Variants in DST observed in about 807,000 individuals in gnomAD.
DST encodes bullous pemphigoid antigen.
DST carries 253 observed loss-of-function variants against 875.2 expected under a neutral mutation model. The ratio of observed to expected loss-of-function variants is 0.29; its 90% CI spans 0.26 to 0.32. The LOEUF (loss-of-function observed/expected upper bound fraction) is 0.32. DST is among the 10% of genes least tolerant of loss of function. The probability of loss-of-function intolerance (pLI) is 1.00; values close to 1 mark genes in which losing one functional copy is unlikely to be tolerated. For synonymous variants in DST, 3,124 were observed against 3,197.1 expected (o/e 0.98, Z 0.77); for missense variants, 8,287 against 9,111.6 (o/e 0.91, Z 3.68).
At position 56,703,665 on chromosome 6, in the gene DST, C is replaced by T. The variant is rs1356808283; in HGVS notation, c.859G>A (p.Glu287Lys). The T allele has an allele frequency of 1.1e-5, 11 of 984,932 alleles. No homozygotes were observed. The Admixed American group carries it at 6.8e-4, about 61-fold the overall frequency. The allele number at this position is 984,932 out of a possible 1,614,324, so 61.0% of individuals were successfully genotyped here. The part of the protein sequence containing the change: ...ACEYEQHEDV[E>K]DEDKGPREKG... ...ACACCTACCCCCTTATCCTCATCCT[C>T]CACATCCTCATGCTGTTCATATTCG... Residue 287 changes from glutamate (E) to lysine (K), a missense_variant, in exon 7 of 104, where the codon GAG (glutamate) becomes AAG (lysine). By Grantham distance (56) the Glu-to-Lys change is moderately conservative. Around this residue, in one of 10 missense-constraint regions of DST, gnomAD observed 1,160 missense variants for 1,424.3 expected, o/e 0.81. Transcript: ENST00000680361.
At chr6:56,629,955 C>T (rs1248734353) in intron 31 of DST, among the ~76,000 whole-genome samples, 1 of 152,170 alleles carries the variant, frequency 6.6e-6, no homozygotes, top group Non-Finnish European at 1.5e-5. Context: ...TCTTTTTCAG[C>T]AAGTTAATCT....
intron 102 of DST, chr6:56,460,777 C>T (rs1200671407): frequency 1.3e-5 from 2 of 151,726 alleles, no homozygotes; most frequent in Non-Finnish European, 2.9e-5. Flanking sequence ...AACTTAACTG[C>T]AAAAAGAAAA....
chr6:56,533,360 CTA>C (rs960987048), intron 63 of DST, among the ~76,000 whole-genome samples: 115 of 152,336 alleles, frequency 7.5e-4, no homozygotes, highest in African/African-American at 2.7e-3. Flanking sequence ...GTATGAAACA[CTA>C]TGCTTCACTG....
intron 99 of DST, among the ~76,000 whole-genome samples, chr6:56,465,362 G>C (rs1031020672): frequency 2.0e-5 from 3 of 152,064 alleles, no homozygotes; most frequent in Non-Finnish European, 4.4e-5. Flanking sequence ...CAATTTTATT[G>C]TTTTTTTCTT....
chr6:56,606,921 A>G lies in DST; in HGVS notation c.7707T>C (p.Asn2569=), dbSNP rs775215903. ...TAGCACAAGTAAGAGACACAATGGC[A>G]TTATCAGTATCACCCCCTGGAGTCA... ...CAVTPGGDTD[N]AIVSLTCATP... The change falls in exon 40 of 104, where the codon AAT becomes AAC. Residue 2569 remains asparagine (N), a synonymous_variant. Transcript: ENST00000680361. The G allele has an allele frequency of 1.1e-5, 17 of 1,613,494 alleles. No individual in the cohort carries two copies. The highest frequency in any genetic ancestry group is 1.3e-5 in the Non-Finnish European group (15 of 1,179,604).
intron 36 of DST, 60 bp downstream of exon 36, chr6:56,624,470 G>A (rs1317655154): frequency 2.7e-6 from 3 of 1,131,456 alleles, no homozygotes; most frequent in Admixed American, 1.7e-5. Context: ...AAACTACACT[G>A]TAGTTACTGC....
intron 3 of DST, among the ~76,000 whole-genome samples, chr6:56,884,933 T>C (rs1275481225): frequency 1.3e-5 from 2 of 152,172 alleles, no homozygotes; most frequent in African/African-American, 4.8e-5. Flanking sequence ...GGTTTCACCA[T>C]GTTAGCCAGG....
At chr6:56,927,231 C>T (rs1807655004) in intron 2 of DST, among the ~76,000 whole-genome samples, 1 of 151,922 alleles carries the variant, frequency 6.6e-6, no homozygotes, top group African/African-American at 2.4e-5. Flanking sequence ...AATAAGTTTC[C>T]CATTATATGA....
chr6:56,572,859 A>G lies in DST; in HGVS notation c.13442T>C (p.Leu4481Pro). The G allele has an allele frequency of 6.2e-7, 1 of 1,613,352 alleles. No individual in the cohort carries two copies. The highest frequency in any genetic ancestry group is 8.5e-7 in the Non-Finnish European group (1 of 1,179,666). Residue 4481 changes from leucine (L) to proline (P), a missense_variant, in exon 52 of 104, where the codon CTG (leucine) becomes CCG (proline). Around this residue, in one of 10 missense-constraint regions of DST, gnomAD observed 1,513 missense variants for 1,677.8 expected, o/e 0.90. Transcript: ENST00000680361. ...KMEELKTKVE[L>P]FENLSEKLQT... ...GAGCTTTTCTGAGAGGTTCTCAAAC[A>G]GTTCTACTTTGGTTTTTAGCTCCTC... is the stretch of plus-strand genomic sequence containing the variant.
intron 4 of DST, among the ~76,000 whole-genome samples, chr6:56,826,383 A>G (rs1167093383): frequency 6.6e-6 from 1 of 152,190 alleles, no homozygotes; most frequent in Admixed American, 6.5e-5. Context: ...AAAATATTTA[A>G]TAATTTTATT....
At chr6:56,834,431 TA>T (rs1314930982) in intron 4 of DST, among the ~76,000 whole-genome samples, 3 of 152,092 alleles carry the variant, frequency 2.0e-5, no homozygotes, top group Non-Finnish European at 4.4e-5. Context: ...ACTCCATCTC[TA>T]CTAAAAATAC....
At chr6:56,661,232 A>G (rs903634478) in intron 10 of DST, among the ~76,000 whole-genome samples, 3 of 152,232 alleles carry the variant, frequency 2.0e-5, no homozygotes, top group African/African-American at 7.2e-5. Flanking sequence ...CTAAGATGAT[A>G]ATGTGAATAA....
chr6:56,616,256 T>C (rs1189828486), intron 36 of DST: 1 of 1,614,136 alleles, frequency 6.2e-7, no homozygotes, highest in South Asian at 1.1e-5. Flanking sequence ...TATAGCCTCA[T>C]TAATATTGAA....
chr6:56,758,562 A>G (rs2099609722), intron 4 of DST, among the ~76,000 whole-genome samples: 1 of 152,224 alleles, frequency 6.6e-6, no homozygotes, highest in African/African-American at 2.4e-5. Context: ...CTGCTGTTCC[A>G]TGATGTCTGG....
chr6:56,509,901 T>A (rs1360354770), intron 73 of DST, 28 bp from the exon 74 acceptor site: 1 of 1,510,770 alleles, frequency 6.6e-7, no homozygotes, highest in East Asian at 2.3e-5. Flanking sequence ...AGATCTTTTA[T>A]GGAAAAAAGA....
intron 9 of DST, among the ~76,000 whole-genome samples, chr6:56,698,226 C>T (rs1042123896): frequency 1.3e-5 from 2 of 152,104 alleles, no homozygotes; most frequent in African/African-American, 4.8e-5. Context: ...CTGTAGCTCT[C>T]CATACCTGTC....
intron 87 of DST, among the ~76,000 whole-genome samples, chr6:56,486,648 T>G (rs1450997659): frequency 6.6e-6 from 1 of 152,030 alleles, no homozygotes; most frequent in Non-Finnish European, 1.5e-5. Context: ...TGGAAAGAAA[T>G]GCTGGGGCCA....
intron 100 of DST, chr6:56,464,181 T>A (rs371117242): frequency 6.0e-6 from 2 of 334,552 alleles, no homozygotes; most frequent in Non-Finnish European, 1.2e-5. Context: ...CATGTACTAT[T>A]GAGGTAAAGA....
chr6:56,819,463 GA>G (rs764921939), intron 4 of DST, among the ~76,000 whole-genome samples: 24 of 152,090 alleles, frequency 1.6e-4, no homozygotes, highest in Non-Finnish European at 2.6e-4. Flanking sequence ...TTTACTTAGT[GA>G]AATTATATAC....
Sources: gnomAD v4.1 joint callset for allele counts (sites outside exome capture counted in the v4.1 genomes callset) on GRCh38, gnomAD v4.1.1 for gene constraint, gnomAD v4.1.1 regional missense constraint, MANE v1.5 for transcripts, NCBI Gene and HGNC (gene_info 2026-07-23, HGNC 2026-07-21) for gene names.